Variants in AKAP1 observed in about 807,000 individuals in gnomAD.
AKAP1 encodes A-kinase anchor protein 1, mitochondrial.
In AKAP1, 32 loss-of-function variants were observed where a neutral mutation model predicts 79.8. That is an observed-to-expected ratio of 0.40 (90% CI 0.30 to 0.54). The LOEUF is 0.54. Among genes scored for constraint, AKAP1 ranks in the 20% least tolerant of loss-of-function variants. The probability of loss-of-function intolerance (pLI) is 0.47; values close to 1 mark genes in which losing one functional copy is unlikely to be tolerated. For missense variants in AKAP1, 961 were observed against 1,138.9 expected, an observed-to-expected ratio of 0.84 and a Z score of 2.25; for synonymous variants, 416 against 466.7, an observed-to-expected ratio of 0.89 and a Z score of 1.40.
rs529487876 is a variant in AKAP1 at position 57,099,310 on chromosome 17, C to T, written c.-24-6131C>T. ...TCTCTGTTCTCAAGTGCTGGTGGAG[C>T]GCTTCAAGCCAGGCAGTTTCTGTTC... On this transcript the variant is annotated intron_variant, in intron 1 of 10. Transcript: ENST00000337714. 5.9e-5 allele frequency among the ~76,000 whole-genome samples: 9 copies of T among 152,300 alleles called. No homozygotes were observed. In the South Asian group the frequency reaches 8.3e-4, roughly 14 times the overall value.
chr17:57,115,986 G>C (rs1476049753), intron 6 of AKAP1, 125 bp from the exon 7 acceptor site: 1 of 1,154,478 alleles, frequency 8.7e-7, no homozygotes, highest in African/African-American at 1.6e-5. Context: ...TGCTGTTCCT[G>C]TCCCCTGCAC....
chr17:57,106,436 G>A lies in AKAP1; in HGVS notation c.972G>A (p.Leu324=), dbSNP rs762496422. 7.4e-6 allele frequency: 11 copies of A among 1,478,066 alleles called. No homozygotes were observed. Among genetic ancestry groups the A allele is most frequent in the Non-Finnish European group, 1.0e-5 (11 of 1,063,580 alleles). The allele number at this position is 1,478,066 out of a possible 1,614,324, so 91.6% of individuals were successfully genotyped here. A position where few individuals can be genotyped will look rare whatever the true frequency, so the allele number is the denominator to read the frequency against. Residue 324 remains leucine, a synonymous_variant, in exon 2 of 11, where the codon TTG becomes TTA. Transcript: ENST00000337714. ...GCTTGGATAGAAATGAGGAGGGCTT[G>A]GATAGAAATGAGGAGAGCTTGGATA... is the stretch of plus-strand genomic sequence containing the variant. ...EEGLDRNEEG[L]DRNEESLDRN... is the part of the protein sequence containing the mutation.
At chr17:57,116,338 G>A in intron 7 of AKAP1, 77 bp downstream of exon 7, 1 of 1,577,036 alleles carries the variant, frequency 6.3e-7, no homozygotes, top group East Asian at 2.2e-5. Flanking sequence ...TGGCTCAGTT[G>A]TGCCAGGGCT....
chr17:57,107,764 T>A (rs534698356), intron 2 of AKAP1, among the ~76,000 whole-genome samples: 1 of 152,202 alleles, frequency 6.6e-6, no homozygotes, highest in East Asian at 1.9e-4. Context: ...TTTGAATGGT[T>A]TTTATTTCCT....
At chr17:57,108,638 A>G (rs1411979806) in intron 2 of AKAP1, among the ~76,000 whole-genome samples, 1 of 152,228 alleles carries the variant, frequency 6.6e-6, no homozygotes, top group African/African-American at 2.4e-5. Context: ...GTCCACGAGC[A>G]TGCGGTGGGT....
chr17:57,107,161 A>C lies in AKAP1; in HGVS notation c.1697A>C (p.Glu566Ala). 6.2e-7 allele frequency: 1 copy of C among 1,606,864 alleles called. No homozygotes were observed. The highest frequency in any genetic ancestry group is 8.5e-7 in the Non-Finnish European group (1 of 1,174,732). Reference protein sequence around the residue: ...GAEDGWTMDAEADHSGGSDRN... With the variant: ...GAEDGWTMDAAADHSGGSDRN... ...GAGGATGGATGGACCATGGATGCGG[A>C]AGCAGATCATTCAGGAGGTAGGAGG... The change falls in exon 2 of 11, where the codon GAA becomes GCA. Residue 566 changes from glutamate to alanine, a missense_variant. This residue lies in a region of AKAP1 where 629 missense variants were observed against 781.1 expected (regional missense o/e 0.81). Transcript: ENST00000337714.
At chr17:57,118,478 G>A in intron 9 of AKAP1, 24 bp downstream of exon 9, 1 of 1,613,148 alleles carries the variant, frequency 6.2e-7, no homozygotes. Flanking sequence ...AGGGGTGGGG[G>A]AGGCAGGCTG....
At position 57,114,581 on chromosome 17, in the gene AKAP1, G is replaced by A. The variant is rs780204071; in HGVS notation, c.2226G>A (p.Gln742=). The change falls in exon 6 of 11, where the codon CAG becomes CAA. Residue 742 remains glutamine (Q), a synonymous_variant. Transcript: ENST00000337714. ...TFHALRSLDQ[Q]MYLCYSQPGI... is the part of the protein sequence containing the mutation. The stretch of plus-strand genomic sequence containing the variant: ...ACGCGCTGCGCAGCCTCGACCAGCA[G>A]ATGTACCTCTGTTACTCTCAGCCTG... The A allele has an allele frequency of 3.7e-6, 6 of 1,614,086 alleles. No individual in the cohort carries two copies. The East Asian group carries it at 1.1e-4, about 30-fold the overall frequency.
intron 2 of AKAP1, among the ~76,000 whole-genome samples, chr17:57,109,329 T>C (rs1349936897): frequency 3.9e-5 from 6 of 152,234 alleles, no homozygotes; most frequent in Non-Finnish European, 7.3e-5. Flanking sequence ...TTGGGTTTTC[T>C]TGGGCATGAG....
Position 57,116,535 on chromosome 17 carries a change from G to A in AKAP1, c.2432+274G>A, listed in dbSNP as rs1915597095. Among the ~76,000 whole-genome samples, 3 of 152,170 alleles carry A rather than the reference G, an allele frequency of 2.0e-5. No individual in the cohort carries two copies. In the South Asian group the frequency reaches 6.2e-4, roughly 32 times the overall value. ...GGCCTGCTGCAAATCCCAGCGCTTT[G>A]GGAGGGTCACTTGAGTGCAGGAGTT... On this transcript the variant is annotated intron_variant, in intron 7 of 10. Transcript: ENST00000337714.
Position 57,120,479 on chromosome 17 carries a change from T to C in AKAP1, c.*155T>C. On this transcript the variant is annotated 3_prime_UTR_variant, in exon 11 of 11. Transcript: ENST00000337714. Reference sequence around the variant, plus strand: ...TCCTATTGAGAAGACATTTCGTCTCTGAGAAAAAAGGATGGAACTATGGGT... The same window carrying C: ...TCCTATTGAGAAGACATTTCGTCTCCGAGAAAAAAGGATGGAACTATGGGT... 1 of 630,838 alleles carries C rather than the reference T, an allele frequency of 1.6e-6. No individual in the cohort carries two copies. Among genetic ancestry groups the C allele is most frequent in the Non-Finnish European group, 2.6e-6 (1 of 377,600 alleles). The allele number at this position is 630,838 out of a possible 1,614,324, so 39.1% of individuals were successfully genotyped here.
chr17:57,104,245 G>A (rs1914704387), intron 1 of AKAP1, among the ~76,000 whole-genome samples: 1 of 152,092 alleles, frequency 6.6e-6, no homozygotes, highest in African/African-American at 2.4e-5. Flanking sequence ...CAGGCTTCAG[G>A]CATGAGCCAC....
At position 57,112,483 on chromosome 17, in the gene AKAP1, C is replaced by A. The variant is rs1192179969; in HGVS notation, c.1976-8C>A. 6.2e-7 allele frequency: 1 copy of A among 1,612,778 alleles called. No individual in the cohort carries two copies. The highest frequency in any genetic ancestry group is 1.3e-5 in the African/African-American group (1 of 74,876). On this transcript the variant is annotated splice_region_variant and splice_polypyrimidine_tract_variant and intron_variant, in intron 4 of 10. Transcript: ENST00000337714. ...TGATTGTATGTCCTGCCCCCATCCG[C>A]TATTTAGGCTCTCAACATCATGTAG...
intron 1 of AKAP1, among the ~76,000 whole-genome samples, chr17:57,097,913 C>A (rs529208416): frequency 6.6e-6 from 1 of 152,230 alleles, no homozygotes; most frequent in South Asian, 2.1e-4. Context: ...CAGTTACATG[C>A]GGCTCTTTTT....
rs1915257345 is a variant in AKAP1 at position 57,111,724 on chromosome 17, CAG to C, written c.1849-72_1849-71del. On this transcript the variant is annotated intron_variant, in intron 3 of 10. Coordinates refer to ENST00000337714, the MANE Select transcript of AKAP1 (RefSeq NM_003488.4). Reference sequence around the variant, plus strand: ...TGTTTGAGCATGATCTTGTGTAAAACAGAAGTAGGTCTTTGGGTGTCCAGGGA... The same window carrying C: ...TGTTTGAGCATGATCTTGTGTAAAACAAGTAGGTCTTTGGGTGTCCAGGGA... 1.9e-6 allele frequency: 3 copies of C among 1,564,548 alleles called. No homozygotes were observed. In the East Asian group the frequency reaches 6.8e-5, roughly 35 times the overall value.
intron 10 of AKAP1, among the ~76,000 whole-genome samples, chr17:57,119,733 CAAAAAA>C (rs1165090055): frequency 6.7e-6 from 1 of 149,204 alleles, no homozygotes; most frequent in East Asian, 2.0e-4. Context: ...AAAACAAAAA[CAAAAAA>C]ACCCTATCCT....
At chr17:57,111,612 G>T (rs1048778867) in intron 3 of AKAP1, among the ~76,000 whole-genome samples, 186 bp from the exon 4 acceptor site, 1 of 152,204 alleles carries the variant, frequency 6.6e-6, no homozygotes, top group African/African-American at 2.4e-5. Flanking sequence ...TGGTGATAAA[G>T]TTATCTGTGT....
chr17:57,095,642 G>A (rs1404806466), intron 1 of AKAP1: 1 of 152,034 alleles, frequency 6.6e-6, no homozygotes, highest in Non-Finnish European at 1.5e-5. Flanking sequence ...TTTCTGGGGT[G>A]GTCGTAGTTC....
chr17:57,095,363 C>G (rs1914035699), intron 1 of AKAP1: 1 of 151,654 alleles, frequency 6.6e-6, no homozygotes, highest in South Asian at 2.1e-4. Flanking sequence ...GATACAAGGT[C>G]TCACTATATT....
Sources: gnomAD v4.1 joint callset for allele counts (sites outside exome capture counted in the v4.1 genomes callset) on GRCh38, gnomAD v4.1.1 for gene constraint, gnomAD v4.1.1 regional missense constraint, MANE v1.5 for transcripts, NCBI Gene and HGNC (gene_info 2026-07-23, HGNC 2026-07-21) for gene names.